GALNT17: variants seen among roughly 807,000 people sequenced by gnomAD.
GALNT17 encodes the protein polypeptide N-acetylgalactosaminyltransferase 17.
GALNT17 carries 29 observed loss-of-function variants against 63.7 expected under a neutral mutation model. That is an observed-to-expected ratio of 0.46 (90% CI 0.34 to 0.62). GALNT17 has a LOEUF of 0.62. Ranked by LOEUF, GALNT17 falls within the 20% of genes least tolerant of loss-of-function variation. The probability of loss-of-function intolerance (pLI) is 0.01; values close to 1 mark genes in which losing one functional copy is unlikely to be tolerated. For synonymous variants in GALNT17, 305 were observed against 318.3 expected, an observed-to-expected ratio of 0.96 and a Z score of 0.45; for missense variants, 603 against 799.6, an observed-to-expected ratio of 0.75 and a Z score of 2.97.
intron 6 of GALNT17, among the ~76,000 whole-genome samples, chr7:71,647,062 ATTTAT>A (rs1232550101): frequency 1.4e-5 from 2 of 141,378 alleles, no homozygotes; most frequent in Admixed American, 1.5e-4. Context: ...TGCTATTTTT[ATTTAT>A]TTTATTTTAT....
chr7:71,181,092 A>G (rs536508209), intron 1 of GALNT17, among the ~76,000 whole-genome samples: 3 of 152,044 alleles, frequency 2.0e-5, no homozygotes, highest in Non-Finnish European at 2.9e-5. Context: ...TGTCTCTACT[A>G]AAAACACAAA....
intron 6 of GALNT17, among the ~76,000 whole-genome samples, chr7:71,637,784 G>A (rs1001907510): frequency 3.9e-5 from 6 of 152,162 alleles, no homozygotes; most frequent in African/African-American, 1.4e-4. Flanking sequence ...GCTCCATCTG[G>A]TGAAGTGAGC....
intron 9 of GALNT17, among the ~76,000 whole-genome samples, chr7:71,688,810 A>G (rs1046816754): frequency 3.9e-5 from 6 of 152,146 alleles, no homozygotes; most frequent in African/African-American, 1.4e-4. Flanking sequence ...GCAGAAGTAA[A>G]GACACATGTA....
At chr7:71,199,521 T>TCCA (rs1481651380) in intron 1 of GALNT17, among the ~76,000 whole-genome samples, 11 of 145,646 alleles carry the variant, frequency 7.6e-5, no homozygotes, top group African/African-American at 2.4e-4. Context: ...ACCCCATCCA[T>TCCA]TCATCCATCC....
intron 1 of GALNT17, among the ~76,000 whole-genome samples, chr7:71,194,562 G>A (rs1362931651): frequency 1.3e-5 from 2 of 152,208 alleles, no homozygotes; most frequent in East Asian, 3.9e-4. Context: ...GACAGAGCCT[G>A]ACACTTGTGT....
intron 1 of GALNT17, among the ~76,000 whole-genome samples, chr7:71,249,023 A>C (rs945930218): frequency 3.3e-5 from 5 of 152,230 alleles, no homozygotes; most frequent in Non-Finnish European, 7.3e-5. Flanking sequence ...TTCAGTCAAC[A>C]GTAGCTGGTA....
At chr7:71,318,233 T>C (rs900253626) in intron 1 of GALNT17, among the ~76,000 whole-genome samples, 1 of 152,096 alleles carries the variant, frequency 6.6e-6, no homozygotes, top group Non-Finnish European at 1.5e-5. Flanking sequence ...CAGTGGGACC[T>C]CACATTTTTT....
At chr7:71,459,394 T>C (rs1489221022) in intron 5 of GALNT17, among the ~76,000 whole-genome samples, 1 of 152,220 alleles carries the variant, frequency 6.6e-6, no homozygotes, top group Non-Finnish European at 1.5e-5. Context: ...CAAGAGCAGG[T>C]TACAGTCTGT....
chr7:71,203,815 C>G (rs1789219866), intron 1 of GALNT17, among the ~76,000 whole-genome samples: 2 of 152,120 alleles, frequency 1.3e-5, no homozygotes, highest in African/African-American at 4.8e-5. Context: ...TTTTAAGTGA[C>G]AAATATCCAG....
rs564629930 is a variant in GALNT17, at chr7:71,146,538, C to G, written c.238+13498C>G. Among the ~76,000 whole-genome samples the G allele has an allele frequency of 2.6e-5, 4 of 152,224 alleles. No individual in the cohort carries two copies. The East Asian group carries it at 7.7e-4, about 29-fold the overall frequency. On this transcript the variant is annotated intron_variant, in intron 1 of 10. Coordinates refer to ENST00000333538, the MANE Select transcript of GALNT17 (RefSeq NM_022479.3). ...GCAGTGCAGTCTGGAGATATGGTGC[C>G]CATGTGGCCCCTGGGAAGAAGTCCA...
intron 6 of GALNT17, among the ~76,000 whole-genome samples, chr7:71,592,537 A>G (rs1789820210): frequency 2.5e-5 from 1 of 40,134 alleles, no homozygotes; most frequent in African/African-American, 1.2e-4. Flanking sequence ...AAAATAAAAT[A>G]AAATAAAATA....
chr7:71,467,016 C>T (rs534670975), intron 5 of GALNT17, among the ~76,000 whole-genome samples: 95 of 152,096 alleles, frequency 6.2e-4, no homozygotes, highest in Admixed American at 1.4e-3. Context: ...CAAAACAAAC[C>T]TCTAAACTGA....
intron 1 of GALNT17, among the ~76,000 whole-genome samples, chr7:71,154,080 A>G (rs908121767): frequency 5.3e-5 from 8 of 152,136 alleles, no homozygotes; most frequent in Non-Finnish European, 1.0e-4. Flanking sequence ...ATAATGTTCC[A>G]TGACTTCAGA....
chr7:71,438,885 CTTT>C (rs199548314), intron 5 of GALNT17, among the ~76,000 whole-genome samples: 3 of 138,230 alleles, frequency 2.2e-5, no homozygotes, highest in African/African-American at 2.6e-5. Context: ...AAAAGATAGA[CTTT>C]TTTTTTTTTT....
intron 9 of GALNT17, among the ~76,000 whole-genome samples, chr7:71,701,844 TATATATATATACAC>T (rs71089986): frequency 0.61 from 52,014 of 85,536 alleles, 12,574 homozygotes; most frequent in Non-Finnish European, 0.66. Flanking sequence ...TATATATGTG[TATATATATATACAC>T]ATATATATAT....
At chr7:71,473,843 G>A (rs777422941) in intron 5 of GALNT17, among the ~76,000 whole-genome samples, 4 of 152,102 alleles carry the variant, frequency 2.6e-5, no homozygotes, top group Admixed American at 2.0e-4. Flanking sequence ...AAAAGTTCAC[G>A]ATCCAGATCC....
intron 1 of GALNT17, among the ~76,000 whole-genome samples, chr7:71,213,710 A>G (rs1181822409): frequency 6.6e-6 from 1 of 152,170 alleles, no homozygotes; most frequent in African/African-American, 2.4e-5. Flanking sequence ...ATTCTTTTAT[A>G]TTGGGTGTTA....
At chr7:71,586,011 A>G (rs1002582269) in intron 6 of GALNT17, among the ~76,000 whole-genome samples, 2 of 151,832 alleles carry the variant, frequency 1.3e-5, no homozygotes, top group African/African-American at 4.8e-5. Flanking sequence ...CCCAGGTTCA[A>G]GCAATTCTGC....
intron 5 of GALNT17, among the ~76,000 whole-genome samples, chr7:71,570,890 A>C (rs1789429581): frequency 6.6e-6 from 1 of 152,128 alleles, no homozygotes; most frequent in South Asian, 2.1e-4. Context: ...AGGCAGGAGA[A>C]TTGCTTGAAC....
Sources: allele counts gnomAD v4.1 joint callset (sites outside exome capture counted in the v4.1 genomes callset), GRCh38; gene constraint gnomAD v4.1.1; transcripts MANE v1.5; gene names NCBI Gene and HGNC (gene_info 2026-07-23, HGNC 2026-07-21).